ALOX12B: variants seen among roughly 807,000 people sequenced by gnomAD.
ALOX12B encodes the protein arachidonate 12-lipoxygenase, 12R-type.
A neutral mutation model predicts 78.9 loss-of-function variants in ALOX12B; 47 were observed. That is an observed-to-expected ratio of 0.60 (90% CI 0.47 to 0.76). ALOX12B has a LOEUF of 0.76. Among genes scored for constraint, ALOX12B ranks in the 30% least tolerant of loss-of-function variants. The probability of loss-of-function intolerance (pLI) is 0.00; values close to 1 mark genes in which losing one functional copy is unlikely to be tolerated. For missense variants in ALOX12B, 805 were observed against 922.6 expected (o/e 0.87, Z 1.65); for synonymous variants, 370 against 374.5 (o/e 0.99, Z 0.14).
rs1228548738 is a variant in ALOX12B, at chr17:8,086,092, G to A, written c.276C>T (p.Pro92=). ...CGGGGAAGTGGTAGATACGGCCGTT[G>A]GGGGCACAGATCTGCACATAGTTGC... ...WYCNYVQICA[P]NGRIYHFPAY... The change falls in exon 2 of 15, where the codon CCC becomes CCT. Residue 92 remains proline (P), a synonymous_variant. Coordinates refer to ENST00000647874, the MANE Select transcript of ALOX12B (RefSeq NM_001139.3). 3 of 1,614,042 alleles carry A rather than the reference G, an allele frequency of 1.9e-6. No homozygotes were observed. The highest frequency in any genetic ancestry group is 1.6e-4 in the Middle Eastern group (1 of 6,084).
chr17:8,078,185 C>T (rs1977129173), intron 8 of ALOX12B, among the ~76,000 whole-genome samples: 2 of 150,948 alleles, frequency 1.3e-5, no homozygotes, highest in Admixed American at 1.3e-4. Context: ...CTTGCTCTGT[C>T]ACCAGGCTGG....
At position 8,076,044 on chromosome 17, in the gene ALOX12B, A is replaced by AGGAAGGTGTGAT; in HGVS notation, c.1532+130_1532+131insATCACACCTTCC. Reference sequence around the variant, plus strand: ...TAGGTGTGATGGACACACAGACCCCAGGCCCCTTCCCCAAGGCCAAGCCCC... The same window carrying AGGAAGGTGTGAT: ...TAGGTGTGATGGACACACAGACCCCAGGAAGGTGTGATGGCCCCTTCCCCAAGGCCAAGCCCC... On this transcript the variant is annotated intron_variant, in intron 11 of 14. Coordinates refer to ENST00000647874, the MANE Select transcript of ALOX12B (RefSeq NM_001139.3). The AGGAAGGTGTGAT allele has an allele frequency of 2.4e-6, 3 of 1,243,170 alleles. No individual in the cohort carries two copies. In the South Asian group the frequency reaches 3.7e-5, roughly 15 times the overall value. 77.0% of individuals were successfully genotyped at this position (1,243,170 alleles called of 1,614,324 possible). A position where few individuals can be genotyped will look rare whatever the true frequency, so the allele number is the denominator to read the frequency against.
chr17:8,076,401 G>GTCC (rs1977083969), intron 10 of ALOX12B, 57 bp from the exon 11 acceptor site: 2 of 1,545,212 alleles, frequency 1.3e-6, no homozygotes, highest in Non-Finnish European at 1.7e-6. Flanking sequence ...ACCCCTTCAG[G>GTCC]TCCTCTAGGA....
rs1292051556 is a variant in ALOX12B, at chr17:8,081,284, G to C, written c.353-97C>G. On this transcript the variant is annotated intron_variant, in intron 2 of 14. Coordinates refer to ENST00000647874, the MANE Select transcript of ALOX12B (RefSeq NM_001139.3). ...GCTTCTGTGCCCCAGGTCGTCTCTG[G>C]GGGGGCCCATGACCAAGGAGTGGGA... 16 of 1,293,126 alleles carry C rather than the reference G, an allele frequency of 1.2e-5. No individual in the cohort carries two copies. The African/African-American group carries it at 1.3e-4, about 11-fold the overall frequency. 80.1% of individuals were successfully genotyped at this position (1,293,126 alleles called of 1,614,324 possible).
In ALOX12B at chr17:8,080,807, G is replaced by A. The variant is rs948270098; in HGVS notation, c.528-27C>T. ...TGTGGGGAGAAGCGCAGGGCAACTG[G>A]GATCCAGGGGGCGGGGAGGAGGCAG... On this transcript the variant is annotated intron_variant, in intron 4 of 14. Coordinates refer to ENST00000647874, the MANE Select transcript of ALOX12B (RefSeq NM_001139.3). This position sits in a 1 kb window ranked among gnomAD's most constrained non-coding sequence, Gnocchi z 4.8. The A allele has an allele frequency of 1.2e-6, 2 of 1,614,106 alleles. No individual in the cohort carries two copies. Among genetic ancestry groups the A allele is most frequent in the African/African-American group, 2.7e-5 (2 of 75,028 alleles).
chr17:8,086,312 A>G (rs1261187862), intron 1 of ALOX12B, 92 bp from the exon 2 acceptor site: 1 of 1,229,384 alleles, frequency 8.1e-7, no homozygotes, highest in African/African-American at 1.5e-5. Context: ...GGCCCTGCTC[A>G]TGCTGCGCAA....
In ALOX12B at chr17:8,072,715, T is replaced by C. The variant is rs1222430946; in HGVS notation, c.*56A>G. 1.2e-6 allele frequency: 2 copies of C among 1,608,436 alleles called. No individual in the cohort carries two copies. Among genetic ancestry groups the C allele is most frequent in the South Asian group, 2.2e-5 (2 of 90,920 alleles). ...TTGTGTTTTTTGCTTGTTTGTTTTG[T>C]TTTGTTGAAAATAGTAGGGCACAGA... On this transcript the variant is annotated 3_prime_UTR_variant, in exon 15 of 15. Transcript: ENST00000647874.
At position 8,075,621 on chromosome 17, in the gene ALOX12B, T is replaced by A; in HGVS notation, c.1628A>T (p.Glu543Val). Residue 543 changes from glutamate (E) to valine (V), a missense_variant, in exon 12 of 15, where the codon GAG becomes GTG. By Grantham distance (121) the Glu-to-Val change is moderately radical. Transcript: ENST00000647874. The stretch of plus-strand genomic sequence containing the variant: ...TGAGCTCTCCCGCCCCAGGAGGCAC[T>A]CTTTAAATATTTCCTGCACCCAAGA... ...LQSWVQEIFK[E>V]CLLGRESSGF... 1 of 1,614,128 alleles carries A rather than the reference T, an allele frequency of 6.2e-7. No individual in the cohort carries two copies. Among genetic ancestry groups the A allele is most frequent in the Non-Finnish European group, 8.5e-7 (1 of 1,180,032 alleles).
intron 8 of ALOX12B, 107 bp from the exon 9 acceptor site, chr17:8,077,300 CCTA>C: frequency 8.6e-7 from 1 of 1,165,168 alleles, no homozygotes; most frequent in South Asian, 1.4e-5. Context: ...TGAAAACACT[CCTA>C]AGCTCCGGTC....
chr17:8,079,346 C>A lies in ALOX12B; in HGVS notation c.1071+50G>T. On this transcript the variant is annotated intron_variant, in intron 8 of 14. Transcript: ENST00000647874. This position sits in a 1 kb window ranked among gnomAD's most constrained non-coding sequence, Gnocchi z 6.4. ...ATAAGCGCGCGCACACTCGGAGGAG[C>A]ATTCGCGCACACAGAGGCTCAGCGG... The A allele has an allele frequency of 6.5e-7, 1 of 1,547,828 alleles. No individual in the cohort carries two copies.
intron 12 of ALOX12B, 114 bp from the exon 13 acceptor site, chr17:8,073,871 G>C (rs895236891): frequency 1.2e-6 from 1 of 829,218 alleles, no homozygotes; most frequent in Non-Finnish European, 2.0e-6. Flanking sequence ...TCAAGCTGCC[G>C]CATCCGTACC....
Position 8,079,350 on chromosome 17 carries a change from C to G in ALOX12B, c.1071+46G>C, listed in dbSNP as rs992660183. On this transcript the variant is annotated intron_variant, in intron 8 of 14. Coordinates refer to ENST00000647874, the MANE Select transcript of ALOX12B (RefSeq NM_001139.3). This position sits in a 1 kb window ranked among gnomAD's most constrained non-coding sequence, Gnocchi z 6.4. ...GCGCGCGCACACTCGGAGGAGCATTCGCGCACACAGAGGCTCAGCGGCAGC... is the reference window on the plus strand; with the variant it reads ...GCGCGCGCACACTCGGAGGAGCATTGGCGCACACAGAGGCTCAGCGGCAGC... 6 of 1,548,574 alleles carry G rather than the reference C, an allele frequency of 3.9e-6. No individual in the cohort carries two copies. Among genetic ancestry groups the G allele is most frequent in the Middle Eastern group, 4.4e-4 (2 of 4,552 alleles).
In ALOX12B at chr17:8,086,014, A is replaced by T; in HGVS notation, c.352+2T>A. The T allele has an allele frequency of 6.2e-7, 1 of 1,614,002 alleles. No individual in the cohort carries two copies. Among genetic ancestry groups the T allele is most frequent in the Non-Finnish European group, 8.5e-7 (1 of 1,179,930 alleles). On this transcript the variant is annotated splice_donor_variant, in intron 2 of 14. Transcript: ENST00000647874. LOFTEE classifies it high-confidence loss of function. ...GGATGGAGCAGGGTGATGAGGGCTT[A>T]CCTGTGGCCTCCCGGAGTGCCAGGG...
At chr17:8,078,848 C>G (rs1977143628) in intron 8 of ALOX12B, among the ~76,000 whole-genome samples, 1 of 150,684 alleles carries the variant, frequency 6.6e-6, no homozygotes, top group Non-Finnish European at 1.5e-5. Context: ...CGCCTGTGAT[C>G]CCAACACACA....
Position 8,080,399 on chromosome 17 carries a change from G to C in ALOX12B, c.651-61C>G. The stretch of plus-strand genomic sequence containing the variant: ...GGGCTGCCAAGCGCCGGCTGGGGCA[G>C]GTGGCGGGGCCGCCCCATCCACTTA... On this transcript the variant is annotated intron_variant, in intron 5 of 14. Coordinates refer to ENST00000647874, the MANE Select transcript of ALOX12B (RefSeq NM_001139.3). This position sits in a 1 kb window ranked among gnomAD's most constrained non-coding sequence, Gnocchi z 4.8. 1 of 1,584,556 alleles carries C rather than the reference G, an allele frequency of 6.3e-7. No individual in the cohort carries two copies. The highest frequency in any genetic ancestry group is 8.7e-7 in the Non-Finnish European group (1 of 1,153,466).
chr17:8,074,692 T>G (rs1977045938), intron 12 of ALOX12B, among the ~76,000 whole-genome samples: 1 of 152,166 alleles, frequency 6.6e-6, no homozygotes, highest in Non-Finnish European at 1.5e-5. Flanking sequence ...CTCTGGCCCT[T>G]AACCAGGCTG....
chr17:8,081,072 C>A (rs765763108), intron 3 of ALOX12B, 34 bp downstream of exon 3: 1 of 1,612,776 alleles, frequency 6.2e-7, no homozygotes. Context: ...TGGACCCCTG[C>A]CGGGCGCCCA....
Position 8,073,080 on chromosome 17 carries a change from G to A in ALOX12B, c.1926+68C>T, listed in dbSNP as rs1977014573. ...CCCTGCTCCCCTCTTGACGCCGCTA[G>A]TTATCCTCCCCCATCCCCGGCTTCT... On this transcript the variant is annotated intron_variant, in intron 14 of 14. Coordinates refer to ENST00000647874, the MANE Select transcript of ALOX12B (RefSeq NM_001139.3). 7 of 1,609,688 alleles carry A rather than the reference G, an allele frequency of 4.3e-6. No individual in the cohort carries two copies. In the Admixed American group the frequency reaches 8.3e-5, roughly 19 times the overall value.
intron 8 of ALOX12B, among the ~76,000 whole-genome samples, chr17:8,078,115 T>TTTA (rs1398117381): frequency 7.0e-6 from 1 of 143,168 alleles, no homozygotes; most frequent in Admixed American, 7.0e-5. Flanking sequence ...TTTTATTTCA[T>TTTA]TTTATTTATT....
Sources: gnomAD v4.1 joint callset for allele counts (sites outside exome capture counted in the v4.1 genomes callset) on GRCh38, gnomAD v4.1.1 for gene constraint, Gnocchi (gnomAD v3.1) non-coding constraint, MANE v1.5 for transcripts, NCBI Gene and HGNC (gene_info 2026-07-23, HGNC 2026-07-21) for gene names.